The following PRKD2 variants were observed in gnomAD, a reference collection of about 807,000 sequenced individuals.
PRKD2 encodes the protein serine/threonine-protein kinase D2.
PRKD2 carries 22 observed loss-of-function variants against 86.0 expected under a neutral mutation model. The ratio of observed to expected loss-of-function variants is 0.26; its 90% CI spans 0.18 to 0.37. The LOEUF is 0.37. Among genes scored for constraint, PRKD2 ranks in the 10% least tolerant of loss-of-function variants. The pLI is 1.00. For synonymous variants in PRKD2, 509 were observed against 510.9 expected, an observed-to-expected ratio of 1.00 and a Z score of 0.05; for missense variants, 818 against 1,199.2, an observed-to-expected ratio of 0.68 and a Z score of 4.70.
At chr19:46,694,331 A>G (rs2053526537) in intron 9 of PRKD2, among the ~76,000 whole-genome samples, 198 bp from the exon 10 acceptor site, 1 of 152,218 alleles carries the variant, frequency 6.6e-6, no homozygotes, top group South Asian at 2.1e-4. Context: ...GCGGTGGCTC[A>G]TGCCTGTAAT....
At chr19:46,704,113 T>C in intron 5 of PRKD2, 56 bp downstream of exon 5, 4 of 1,604,906 alleles carry the variant, frequency 2.5e-6, no homozygotes, top group Non-Finnish European at 3.4e-6. Flanking sequence ...CAAGACCAGG[T>C]TGGGGCGGGA....
At chr19:46,713,275 C>T (rs1023179441) in intron 2 of PRKD2, among the ~76,000 whole-genome samples, 4 of 150,298 alleles carry the variant, frequency 2.7e-5, no homozygotes, top group East Asian at 2.0e-4. Context: ...GATCCTCCCA[C>T]CTCAGCCTCC....
intron 9 of PRKD2, 45 bp from the exon 10 acceptor site, chr19:46,694,178 T>C (rs2122684890): frequency 1.9e-6 from 3 of 1,598,466 alleles, no homozygotes; most frequent in African/African-American, 1.3e-5. Flanking sequence ...CAGGCAGACC[T>C]TGGAATTCTA....
chr19:46,676,143 A>G (rs2053197765), intron 16 of PRKD2, among the ~76,000 whole-genome samples: 2 of 152,014 alleles, frequency 1.3e-5, no homozygotes, highest in Admixed American at 1.3e-4. Flanking sequence ...CATCTATGTC[A>G]TCAGGCTGGG....
At chr19:46,708,308 C>CTTTT (rs61231695) in intron 3 of PRKD2, among the ~76,000 whole-genome samples, 1 of 82,160 alleles carries the variant, frequency 1.2e-5, no homozygotes, top group Non-Finnish European at 2.2e-5. Context: ...GACTGGTGAC[C>CTTTT]TTTTTTTTTT....
chr19:46,704,444 G>A lies in PRKD2; in HGVS notation c.666+51C>T, dbSNP rs771479993. ...CATCAGTGCGTTGGCCCCATGCCTG[G>A]GCCAAGTCACCCCCCTAGCCACCAA... On this transcript the variant is annotated intron_variant, in intron 4 of 17. Coordinates refer to ENST00000291281, the MANE Select transcript of PRKD2 (RefSeq NM_016457.5). 3 of 1,613,864 alleles carry A rather than the reference G, an allele frequency of 1.9e-6. No individual in the cohort carries two copies. The South Asian group carries it at 3.3e-5, about 18-fold the overall frequency.
intron 2 of PRKD2, among the ~76,000 whole-genome samples, chr19:46,711,261 T>C (rs906926531): frequency 1.3e-5 from 2 of 152,122 alleles, no homozygotes; most frequent in East Asian, 1.9e-4. Context: ...AGAGCGGGAA[T>C]TGGGGAGTTG....
intron 1 of PRKD2, chr19:46,714,514 T>C (rs2053858116): frequency 9.1e-6 from 1 of 110,402 alleles, no homozygotes. Flanking sequence ...TCGAGGGCGC[T>C]GGAGATAAGG....
chr19:46,690,756 T>TC (rs2053472245), intron 12 of PRKD2, 50 bp from the exon 13 acceptor site: 2 of 1,525,044 alleles, frequency 1.3e-6, no homozygotes, highest in African/African-American at 2.7e-5. Context: ...GACCACCCAG[T>TC]CCTGGCAGGA....
chr19:46,699,531 G>A (rs899639093), intron 7 of PRKD2, among the ~76,000 whole-genome samples: 6 of 152,118 alleles, frequency 3.9e-5, no homozygotes, highest in Admixed American at 3.3e-4. Context: ...GTACCTCATC[G>A]CCCCAGGAGG....
rs756792184 is a variant in PRKD2 at position 46,678,624 on chromosome 19, C to T, written c.2110G>A (p.Glu704Lys). 27 of 1,610,388 alleles carry T rather than the reference C, an allele frequency of 1.7e-5. No homozygotes were observed. In the South Asian group the frequency reaches 2.4e-4, roughly 14 times the overall value. ...CDFGFARIIGEKSFRRSVVGT... is the reference protein window; with the variant it reads ...CDFGFARIIGKKSFRRSVVGT... ...ACCACTGAGCGGCGGAACGACTTCT[C>T]GCCGATGATGCGAGCAAAGCCAAAG... The change falls in exon 16 of 18, where the codon GAG (glutamate) becomes AAG (lysine). Residue 704 changes from glutamate (E) to lysine (K), a missense_variant. Transcript: ENST00000291281. This position sits in a 1 kb window ranked among gnomAD's most constrained non-coding sequence, Gnocchi z 5.7.
Position 46,716,043 on chromosome 19 carries a change from C to G in PRKD2, c.240+88G>C. 6.5e-7 allele frequency: 1 copy of G among 1,532,702 alleles called. No homozygotes were observed. The highest frequency in any genetic ancestry group is 8.8e-7 in the Non-Finnish European group (1 of 1,141,228). 94.9% of individuals were successfully genotyped at this position (1,532,702 alleles called of 1,614,324 possible). A position where few individuals can be genotyped will look rare whatever the true frequency, so the allele number is the denominator to read the frequency against. The stretch of plus-strand genomic sequence containing the variant: ...CAAAGCTCAGGTCTCCTTCCTCCCT[C>G]TTCCGCACACCAGGCCCCAGACCCC... On this transcript the variant is annotated intron_variant, in intron 1 of 17. Transcript: ENST00000291281. This position sits in a 1 kb window ranked among gnomAD's most constrained non-coding sequence, Gnocchi z 7.9.
In PRKD2 at chr19:46,704,429, T is replaced by A. The variant is rs1043523856; in HGVS notation, c.667-38A>T. On this transcript the variant is annotated intron_variant, in intron 4 of 17. Transcript: ENST00000291281. ...AGAATGGAGGGGACACATCAGTGCGTTGGCCCCATGCCTGGGCCAAGTCAC... is the reference window on the plus strand; with the variant it reads ...AGAATGGAGGGGACACATCAGTGCGATGGCCCCATGCCTGGGCCAAGTCAC... 3 of 1,613,772 alleles carry A rather than the reference T, an allele frequency of 1.9e-6. No individual in the cohort carries two copies. In the East Asian group the frequency reaches 6.7e-5, roughly 36 times the overall value.
intron 2 of PRKD2, among the ~76,000 whole-genome samples, chr19:46,711,557 T>C (rs2053809423): frequency 2.0e-5 from 3 of 151,924 alleles, no homozygotes. Context: ...CACACCCGAC[T>C]AATTTTTGTA....
At chr19:46,712,987 C>CT (rs1190909917) in intron 2 of PRKD2, among the ~76,000 whole-genome samples, 1 of 152,060 alleles carries the variant, frequency 6.6e-6, no homozygotes, top group African/African-American at 2.4e-5. Flanking sequence ...TGGCAGGAGC[C>CT]ATGGACATCA....
At position 46,701,072 on chromosome 19, in the gene PRKD2, G is replaced by A; in HGVS notation, c.930C>T (p.Val310=). ...GGGCCTCCCCCAGGCAGTCATTAGG[G>A]ACGCGGGTGGCGCAGCGTTTGTGAC... is the stretch of plus-strand genomic sequence containing the variant. ...FNCHKRCATR[V]PNDCLGEALI... The change falls in exon 6 of 18, where the codon GTC becomes GTT. Residue 310 remains valine (V), a synonymous_variant. Transcript: ENST00000291281. The A allele has an allele frequency of 6.2e-7, 1 of 1,614,224 alleles. No individual in the cohort carries two copies. The highest frequency in any genetic ancestry group is 8.5e-7 in the Non-Finnish European group (1 of 1,180,050).
chr19:46,676,732 G>A (rs2053209395), intron 16 of PRKD2, among the ~76,000 whole-genome samples: 1 of 152,154 alleles, frequency 6.6e-6, no homozygotes, highest in African/African-American at 2.4e-5. Flanking sequence ...CACACTCGAT[G>A]CACTTTTACT....
chr19:46,699,918 TAAAAAAAA>T (rs56355930), intron 7 of PRKD2, among the ~76,000 whole-genome samples: 1 of 107,312 alleles, frequency 9.3e-6, no homozygotes, highest in African/African-American at 3.7e-5. Flanking sequence ...CCCCCTATCT[TAAAAAAAA>T]AAAAAAAAAA....
chr19:46,705,247 G>C (rs1242043073), intron 3 of PRKD2, among the ~76,000 whole-genome samples: 3 of 151,820 alleles, frequency 2.0e-5, no homozygotes, highest in Non-Finnish European at 4.4e-5. Flanking sequence ...CCTCCTTCTA[G>C]TCCTCCCCAA....
Sources: gnomAD v4.1 joint callset for allele counts (sites outside exome capture counted in the v4.1 genomes callset) on GRCh38, gnomAD v4.1.1 for gene constraint, Gnocchi (gnomAD v3.1) non-coding constraint, MANE v1.5 for transcripts, NCBI Gene and HGNC (gene_info 2026-07-23, HGNC 2026-07-21) for gene names.